Variants in PCSK6 observed in about 807,000 individuals in gnomAD.
PCSK6 encodes the protein proprotein convertase subtilisin/kexin type 6.
Under a neutral mutation model 123.3 loss-of-function variants are expected in PCSK6, and 85 were observed. That is an observed-to-expected ratio of 0.69 (90% CI 0.58 to 0.83). The LOEUF (loss-of-function observed/expected upper bound fraction) is 0.83. Among genes scored for constraint, PCSK6 ranks in the 40% least tolerant of loss-of-function variants. PCSK6 has a pLI of 0.00. For missense variants in PCSK6, 1,191 were observed against 1,282.3 expected, an observed-to-expected ratio of 0.93 and a Z score of 1.09; for synonymous variants, 508 against 516.0, an observed-to-expected ratio of 0.98 and a Z score of 0.21.
intron 13 of PCSK6, among the ~76,000 whole-genome samples, chr15:101,361,189 GATCA>G (rs2041212204): frequency 8.7e-6 from 1 of 114,496 alleles, no homozygotes; most frequent in African/African-American, 3.4e-5. Flanking sequence ...TTGGCATATT[GATCA>G]ATTTCTCTTC....
At chr15:101,418,613 A>T (rs1431577469) in intron 6 of PCSK6, among the ~76,000 whole-genome samples, 1 of 151,708 alleles carries the variant, frequency 6.6e-6, no homozygotes, top group Admixed American at 6.6e-5. Flanking sequence ...CCCAGGTTCA[A>T]GCGATTCTCC....
intron 11 of PCSK6, among the ~76,000 whole-genome samples, chr15:101,374,912 T>A (rs919305910): frequency 3.3e-5 from 5 of 152,176 alleles, no homozygotes; most frequent in African/African-American, 1.2e-4. Context: ...TGGGCTTCCT[T>A]ATTCATATGA....
chr15:101,324,808 G>C (rs1334331403), intron 17 of PCSK6, 42 bp downstream of exon 17: 5 of 1,532,830 alleles, frequency 3.3e-6, no homozygotes, highest in South Asian at 1.2e-5. Flanking sequence ...AGAAAGTTGG[G>C]GCTGGCTCAT....
chr15:101,309,333 C>T (rs1171654740), intron 20 of PCSK6, among the ~76,000 whole-genome samples: 1 of 152,212 alleles, frequency 6.6e-6, no homozygotes, highest in Non-Finnish European at 1.5e-5. Context: ...CCCTGGGAGA[C>T]CCTGTGTAGC....
intron 1 of PCSK6, among the ~76,000 whole-genome samples, chr15:101,470,557 T>C (rs993208916): frequency 6.6e-6 from 1 of 152,262 alleles, no homozygotes; most frequent in Admixed American, 6.5e-5. Context: ...ATTTCTATTA[T>C]GTGTTATGTG....
chr15:101,381,177 G>T (rs7172676), intron 11 of PCSK6, among the ~76,000 whole-genome samples: 12 of 151,768 alleles, frequency 7.9e-5, no homozygotes, highest in Non-Finnish European at 1.5e-4. Flanking sequence ...GCCTGGCCAA[G>T]ATGGTGAAAC....
At chr15:101,329,173 A>C (rs2040322788) in intron 15 of PCSK6, among the ~76,000 whole-genome samples, 1 of 152,222 alleles carries the variant, frequency 6.6e-6, no homozygotes, top group African/African-American at 2.4e-5. Context: ...TTAAACTGAC[A>C]CGGGTTTATT....
At chr15:101,313,712 G>C (rs992661576) in intron 19 of PCSK6, 1 of 614,008 alleles carries the variant, frequency 1.6e-6, no homozygotes, top group Non-Finnish European at 2.7e-6. Flanking sequence ...TCACAGACGG[G>C]GACATCGAGG....
intron 7 of PCSK6, among the ~76,000 whole-genome samples, chr15:101,397,734 C>T (rs1341644875): frequency 6.6e-6 from 1 of 152,260 alleles, no homozygotes; most frequent in Non-Finnish European, 1.5e-5. Context: ...CATCTGCAGC[C>T]ACCTCCTCCC....
chr15:101,463,526 C>T (rs79234106), intron 1 of PCSK6, among the ~76,000 whole-genome samples: 3,747 of 152,184 alleles, frequency 0.025, 169 homozygotes, highest in African/African-American at 0.084. Context: ...TACTATGTGC[C>T]GTATCTTTCC....
At chr15:101,445,513 A>C (rs933725523) in intron 1 of PCSK6, among the ~76,000 whole-genome samples, 4 of 152,188 alleles carry the variant, frequency 2.6e-5, no homozygotes, top group Admixed American at 2.6e-4. Context: ...TATTTTGCTC[A>C]CAAGCACTTT....
chr15:101,466,102 G>A (rs2057453831), intron 1 of PCSK6, among the ~76,000 whole-genome samples: 1 of 152,052 alleles, frequency 6.6e-6, no homozygotes, highest in African/African-American at 2.4e-5. Flanking sequence ...CATCAAGAAA[G>A]TGAAAAGACA....
chr15:101,388,190 A>AAG (rs1303562139), intron 9 of PCSK6, among the ~76,000 whole-genome samples: 1 of 152,270 alleles, frequency 6.6e-6, no homozygotes, highest in Non-Finnish European at 1.5e-5. Flanking sequence ...AATTTTTAAA[A>AAG]AGAGCCTCAG....
intron 6 of PCSK6, among the ~76,000 whole-genome samples, chr15:101,413,693 A>C (rs149398904): frequency 1.3e-5 from 2 of 152,314 alleles, no homozygotes; most frequent in African/African-American, 4.8e-5. Context: ...AGAGGACTTG[A>C]AATGTTACCA....
intron 8 of PCSK6, among the ~76,000 whole-genome samples, chr15:101,389,996 C>T (rs2042178499): frequency 6.6e-6 from 1 of 152,188 alleles, no homozygotes; most frequent in African/African-American, 2.4e-5. Context: ...CACTAGCTAC[C>T]CCTAAGTCAC....
intron 13 of PCSK6, chr15:101,365,021 T>C (rs774897797): frequency 2.6e-6 from 2 of 777,324 alleles, no homozygotes; most frequent in South Asian, 1.3e-5. Context: ...GTCAGTTGAT[T>C]TGCAACAGGA....
chr15:101,337,378 C>G (rs751997479), intron 13 of PCSK6: 2 of 152,024 alleles, frequency 1.3e-5, no homozygotes, highest in Non-Finnish European at 1.5e-5. Flanking sequence ...CTTTGGAAGA[C>G]GTAAAAATGA....
rs1044198502 is a variant in PCSK6 at position 101,437,294 on chromosome 15, C to G, written c.403-5194G>C. ...ATTACATGGTTTCGTGAGAGCCCAT[C>G]ATGGCGAGATGCCCAGGCCCACCTC... On this transcript the variant is annotated intron_variant, in intron 2 of 21. Coordinates refer to ENST00000611716, the MANE Select transcript of PCSK6 (RefSeq NM_002570.5). Among the ~76,000 whole-genome samples the G allele has an allele frequency of 2.6e-5, 4 of 152,362 alleles. No individual in the cohort carries two copies. The East Asian group carries it at 7.7e-4, about 29-fold the overall frequency.
At chr15:101,450,834 C>T (rs931528327) in intron 1 of PCSK6, among the ~76,000 whole-genome samples, 19 of 152,124 alleles carry the variant, frequency 1.2e-4, no homozygotes, top group Non-Finnish European at 1.8e-4. Flanking sequence ...GACCACCTCC[C>T]GGCTGTATGG....
Sources: gnomAD v4.1 joint callset for allele counts (sites outside exome capture counted in the v4.1 genomes callset) on GRCh38, gnomAD v4.1.1 for gene constraint, MANE v1.5 for transcripts, NCBI Gene and HGNC (gene_info 2026-07-23, HGNC 2026-07-21) for gene names.